The following LINGO2 variants were observed in gnomAD, a reference collection of about 807,000 sequenced individuals.
LINGO2 encodes the protein leucine-rich repeat and immunoglobulin-like domain-containing nogo receptor-interacting protein 2.
A neutral mutation model predicts 30.6 loss-of-function variants in LINGO2; 14 were observed. That is an observed-to-expected ratio of 0.46 (90% CI 0.30 to 0.72). LINGO2 has a LOEUF of 0.72. Among genes scored for constraint, LINGO2 ranks in the 30% least tolerant of loss-of-function variants. LINGO2 has a pLI of 0.07. For missense variants in LINGO2, 729 were observed against 751.7 expected (o/e 0.97, Z 0.35); for synonymous variants, 317 against 288.5 (o/e 1.10, Z -1.00).
intron 1 of LINGO2, among the ~76,000 whole-genome samples, chr9:28,573,245 T>A (rs929770094): frequency 6.6e-6 from 1 of 152,178 alleles, no homozygotes; most frequent in Non-Finnish European, 1.5e-5. Flanking sequence ...AATACACTTA[T>A]CCGGTTCAGA....
the LINGO2 span, among the ~76,000 whole-genome samples, chr9:29,212,914 C>T: frequency 8.7e-3 from 1,331 of 152,340 alleles, 7 homozygotes; most frequent in Non-Finnish European, 0.014. Flanking sequence ...AGCTTTGCTG[C>T]CTCTTACCTT....
At chr9:28,948,934 T>C in the LINGO2 span, among the ~76,000 whole-genome samples, 2 of 151,856 alleles carry the variant, frequency 1.3e-5, no homozygotes, top group South Asian at 4.1e-4. Context: ...AAGTTAGATA[T>C]GCAAAAGAGT....
the LINGO2 span, among the ~76,000 whole-genome samples, chr9:28,713,571 G>A: frequency 6.6e-6 from 1 of 152,054 alleles, no homozygotes; most frequent in East Asian, 1.9e-4. Flanking sequence ...CTATTTTCTA[G>A]CATTTCTAAC....
At chr9:28,343,745 C>G (rs1249264127) in intron 3 of LINGO2, among the ~76,000 whole-genome samples, 3 of 152,108 alleles carry the variant, frequency 2.0e-5, no homozygotes, top group Non-Finnish European at 4.4e-5. Context: ...TTTGGGCCCA[C>G]CTCTTCTCAC....
the LINGO2 span, among the ~76,000 whole-genome samples, chr9:29,042,645 T>C: frequency 6.6e-6 from 1 of 151,960 alleles, no homozygotes; most frequent in African/African-American, 2.4e-5. Flanking sequence ...CGTGTTTTAA[T>C]TGGCAAAAGA....
At chr9:28,988,342 T>C in the LINGO2 span, among the ~76,000 whole-genome samples, 1 of 152,170 alleles carries the variant, frequency 6.6e-6, no homozygotes, top group Non-Finnish European at 1.5e-5. Flanking sequence ...GTGATAAGAA[T>C]AGCTACCCCT....
chr9:28,212,770 A>C (rs865910893), intron 4 of LINGO2, among the ~76,000 whole-genome samples: 1 of 151,490 alleles, frequency 6.6e-6, no homozygotes, highest in Non-Finnish European at 1.5e-5. Context: ...CAAAAGCCAC[A>C]TGAGGTTAGT....
Position 28,148,884 on chromosome 9 carries a change from A to C in LINGO2, c.-86-136479T>G, listed in dbSNP as rs1827896864. On this transcript the variant is annotated intron_variant, in intron 4 of 5. Transcript: ENST00000379992. This position sits in a 1 kb window ranked among gnomAD's most constrained non-coding sequence, Gnocchi z 5.1. ...TTGCTGATGGTGGGGGAGGACATGC[A>C]GCCCAAGGATCCTGCAGCTCTTGGG... 1 of 1,533,684 alleles carries C rather than the reference A, an allele frequency of 6.5e-7. No individual in the cohort carries two copies. The highest frequency in any genetic ancestry group is 2.0e-5 in the Admixed American group (1 of 50,968).
intron 2 of LINGO2, among the ~76,000 whole-genome samples, chr9:28,437,220 C>G (rs1474348639): frequency 6.6e-6 from 1 of 152,160 alleles, no homozygotes; most frequent in East Asian, 1.9e-4. Context: ...GAAAGGCAAA[C>G]ACTTTTCTTT....
At chr9:28,805,705 T>C in the LINGO2 span, among the ~76,000 whole-genome samples, 2 of 152,120 alleles carry the variant, frequency 1.3e-5, no homozygotes, top group Admixed American at 6.5e-5. Flanking sequence ...ATCTCTAAGA[T>C]TGCTGTCTGG....
intron 4 of LINGO2, among the ~76,000 whole-genome samples, chr9:28,089,914 C>T (rs2133257843): frequency 6.6e-6 from 1 of 152,194 alleles, no homozygotes; most frequent in East Asian, 1.9e-4. Context: ...TACAAACTAC[C>T]ATCAGAGAAT....
intron 2 of LINGO2, among the ~76,000 whole-genome samples, chr9:28,464,463 C>T (rs10733435): frequency 0.74 from 112,806 of 152,108 alleles, 42,011 homozygotes; most frequent in East Asian, 0.83. Context: ...GGCTGTCATC[C>T]TCAATGATTT....
At chr9:28,674,269 A>G (rs1829137009), upstream of LINGO2, among the ~76,000 whole-genome samples, 1 of 152,120 alleles carries the variant, frequency 6.6e-6, no homozygotes, top group African/African-American at 2.4e-5. Context: ...ACAATAATGT[A>G]ATAATCTTTA....
chr9:28,688,862 AT>A, the LINGO2 span, among the ~76,000 whole-genome samples: 1 of 152,164 alleles, frequency 6.6e-6, no homozygotes, highest in African/African-American at 2.4e-5. Flanking sequence ...ATAACGTCCT[AT>A]AATATGTCAT....
At chr9:28,199,997 GAAAA>G (rs11325617) in intron 4 of LINGO2, among the ~76,000 whole-genome samples, 2 of 123,098 alleles carry the variant, frequency 1.6e-5, no homozygotes, top group Non-Finnish European at 1.7e-5. Context: ...CTTCATTTAG[GAAAA>G]AAAAAAAAAA....
chr9:28,844,825 G>T, the LINGO2 span, among the ~76,000 whole-genome samples: 4 of 151,902 alleles, frequency 2.6e-5, no homozygotes, highest in Admixed American at 2.6e-4. Flanking sequence ...TTGTCATTTT[G>T]CTGAAACATG....
At position 28,638,430 on chromosome 9, in the gene LINGO2, C is replaced by T. The variant is rs148077467; in HGVS notation, c.-365+31770G>A. ...TCCTTGTACCTCTGGTAGAATTTCACTGTGAATCCGTCTGGTCCTGGACTT... is the reference window on the plus strand; with the variant it reads ...TCCTTGTACCTCTGGTAGAATTTCATTGTGAATCCGTCTGGTCCTGGACTT... On this transcript the variant is annotated intron_variant, in intron 1 of 5. Transcript: ENST00000379992. 9.2e-3 allele frequency among the ~76,000 whole-genome samples: 1,402 copies of T among 152,256 alleles called. 26 individuals are homozygous for T. Among genetic ancestry groups the T allele is most frequent in the East Asian group, 0.079 (411 of 5,184 alleles).
intron 1 of LINGO2, among the ~76,000 whole-genome samples, chr9:28,493,130 A>G (rs904013358): frequency 2.0e-5 from 3 of 152,032 alleles, no homozygotes; most frequent in Non-Finnish European, 4.4e-5. Context: ...CGTTTGTCCT[A>G]TTTTATTTCC....
chr9:28,781,253 A>T, the LINGO2 span, among the ~76,000 whole-genome samples: 1 of 152,130 alleles, frequency 6.6e-6, no homozygotes, highest in Admixed American at 6.5e-5. Flanking sequence ...CAGTGCTCAA[A>T]TACAGGCAGT....
Sources: allele counts gnomAD v4.1 joint callset (sites outside exome capture counted in the v4.1 genomes callset), GRCh38; gene constraint gnomAD v4.1.1; non-coding constraint Gnocchi (gnomAD v3.1); transcripts MANE v1.5; gene names NCBI Gene and HGNC (gene_info 2026-07-23, HGNC 2026-07-21).